Variants in QTGAL observed in about 807,000 individuals in gnomAD.
QTGAL encodes queuosine-tRNA galactosyltransferase, also known as BGnT-like protein 1.
the QTGAL span, among the ~76,000 whole-genome samples, chr17:83,038,400 T>G: frequency 1.3e-5 from 2 of 152,198 alleles, no homozygotes; most frequent in African/African-American, 4.8e-5. Context: ...GGGATATGCC[T>G]CAAGTTAGAG....
the QTGAL span, among the ~76,000 whole-genome samples, chr17:82,991,215 C>T: frequency 0.024 from 3,622 of 152,196 alleles, 68 homozygotes; most frequent in African/African-American, 0.05. Context: ...CATCCATGGG[C>T]GGGGAGTGGG....
chr17:83,032,226 G>A, the QTGAL span, among the ~76,000 whole-genome samples: 287 of 54,132 alleles, frequency 5.3e-3, 6 homozygotes, highest in East Asian at 7.8e-3. Context: ...CCCAGACCGA[G>A]CTTGGGAGCT....
At chr17:82,942,677 T>C in the QTGAL span, 4 of 621,350 alleles carry the variant, frequency 6.4e-6, no homozygotes, top group South Asian at 1.9e-5. Context: ...AACACAAATG[T>C]GCTTCCTATA....
At chr17:83,036,399 G>A in the QTGAL span, among the ~76,000 whole-genome samples, 4 of 152,218 alleles carry the variant, frequency 2.6e-5, no homozygotes, top group African/African-American at 9.6e-5. Flanking sequence ...GCTTCTGGGG[G>A]CTGCGATCTT....
At chr17:83,036,805 T>C in the QTGAL span, among the ~76,000 whole-genome samples, 1 of 152,260 alleles carries the variant, frequency 6.6e-6, no homozygotes, top group South Asian at 2.1e-4. Flanking sequence ...AAGCAGGCAC[T>C]GGGCAGCTTT....
the QTGAL span, among the ~76,000 whole-genome samples, chr17:82,996,470 C>A: frequency 3.4e-5 from 5 of 148,916 alleles, no homozygotes; most frequent in Admixed American, 6.8e-5. Flanking sequence ...TGCAGTGAGC[C>A]GAGAACGCGC....
At chr17:83,035,233 G>A in the QTGAL span, 9 of 673,050 alleles carry the variant, frequency 1.3e-5, no homozygotes, top group Non-Finnish European at 2.1e-5. Flanking sequence ...AGGCTGGAGT[G>A]CAGTGGCGTG....
At chr17:83,046,230 A>T in the QTGAL span, among the ~76,000 whole-genome samples, 1 of 152,140 alleles carries the variant, frequency 6.6e-6, no homozygotes, top group East Asian at 1.9e-4. Context: ...CCCGGGTTCA[A>T]GCGATTCTCC....
the QTGAL span, among the ~76,000 whole-genome samples, chr17:82,976,226 C>T: frequency 1.3e-5 from 1 of 77,734 alleles, no homozygotes; most frequent in Non-Finnish European, 2.5e-5. Context: ...GGGACAGAGC[C>T]GGACTCCATC....
At chr17:83,019,756 G>C in the QTGAL span, among the ~76,000 whole-genome samples, 22 of 151,276 alleles carry the variant, frequency 1.5e-4, no homozygotes, top group Admixed American at 1.4e-3. Context: ...TTTTTGAGTT[G>C]GAGTTTTGCT....
At chr17:83,021,985 G>A in the QTGAL span, among the ~76,000 whole-genome samples, 3 of 152,030 alleles carry the variant, frequency 2.0e-5, no homozygotes, top group East Asian at 1.9e-4. Flanking sequence ...TGGAAAAACC[G>A]GACATCATCC....
the QTGAL span, among the ~76,000 whole-genome samples, chr17:82,971,398 C>T: frequency 3.7e-4 from 57 of 152,288 alleles, 2 homozygotes; most frequent in Middle Eastern, 6.8e-3. Context: ...AACTGCCAGG[C>T]GCCCGGCGAG....
chr17:82,995,661 A>G, the QTGAL span, among the ~76,000 whole-genome samples: 1,851 of 152,222 alleles, frequency 0.012, 43 homozygotes, highest in African/African-American at 0.042. Context: ...GGGATTATAG[A>G]TGTGAGCCAC....
chr17:83,007,906 G>C, the QTGAL span, among the ~76,000 whole-genome samples: 1 of 152,156 alleles, frequency 6.6e-6, no homozygotes, highest in Non-Finnish European at 1.5e-5. Flanking sequence ...TTTTAACCTT[G>C]GAAGAAGGCA....
chr17:82,951,039 G>A, the QTGAL span, among the ~76,000 whole-genome samples: 12 of 152,164 alleles, frequency 7.9e-5, no homozygotes, highest in African/African-American at 4.8e-5. Flanking sequence ...TCAGATCTTG[G>A]CAGTGACCTT....
the QTGAL span, among the ~76,000 whole-genome samples, chr17:82,993,658 T>C: frequency 2.0e-5 from 3 of 152,112 alleles, no homozygotes; most frequent in Admixed American, 2.0e-4. Flanking sequence ...TACAAAATAT[T>C]TCCTCCATTG....
At chr17:82,967,013 T>C in the QTGAL span, among the ~76,000 whole-genome samples, 1 of 152,242 alleles carries the variant, frequency 6.6e-6, no homozygotes, top group Non-Finnish European at 1.5e-5. Context: ...GGAGAAGGGC[T>C]GAAAACACTT....
chr17:82,978,712 T>G, the QTGAL span: 1 of 152,338 alleles, frequency 6.6e-6, no homozygotes, highest in East Asian at 1.9e-4. This position sits in a 1 kb window ranked among gnomAD's most constrained non-coding sequence, Gnocchi z 4.8. Flanking sequence ...TTTGCTATGT[T>G]GGACCAGTTG....
chr17:83,024,835 G>A, the QTGAL span, among the ~76,000 whole-genome samples: 7 of 152,358 alleles, frequency 4.6e-5, no homozygotes, highest in East Asian at 1.3e-3. Context: ...ACGGGGCCTG[G>A]GCCGTGCTGC....
Sources: gnomAD v4.1 joint callset for allele counts (sites outside exome capture counted in the v4.1 genomes callset) on GRCh38, gnomAD v4.1.1 for gene constraint, Gnocchi (gnomAD v3.1) non-coding constraint, MANE v1.5 for transcripts, NCBI Gene and HGNC (gene_info 2026-07-23, HGNC 2026-07-21) for gene names.